Variants in ADAMTSL1 observed in about 807,000 individuals in gnomAD.
ADAMTSL1 encodes the protein ADAMTS like 1.
Under a neutral mutation model 201.8 loss-of-function variants are expected in ADAMTSL1, and 126 were observed. That is an observed-to-expected ratio of 0.62 (90% CI 0.54 to 0.72). The LOEUF (loss-of-function observed/expected upper bound fraction) is 0.72. Among genes scored for constraint, ADAMTSL1 ranks in the 30% least tolerant of loss-of-function variants. ADAMTSL1 has a pLI of 0.00. For missense variants in ADAMTSL1, 2,679 were observed against 2,277.8 expected, an observed-to-expected ratio of 1.18 and a Z score of -3.59; for synonymous variants, 1,121 against 903.4, an observed-to-expected ratio of 1.24 and a Z score of -4.32.
intron 15 of ADAMTSL1, among the ~76,000 whole-genome samples, chr9:18,728,223 A>T (rs1197518849): frequency 6.6e-6 from 1 of 152,162 alleles, no homozygotes; most frequent in Non-Finnish European, 1.5e-5. Flanking sequence ...TGTCACCTGA[A>T]AGCATATATG....
chr9:18,152,179 C>T lies in ADAMTSL1; in HGVS notation c.88-11683C>T, dbSNP rs530920808. ...ACAGCAGAGAGGTGGTAAACCAGGA[C>T]TTCCACCCAGGTCCTGTGACTCCAG... On this transcript the variant is annotated intron_variant, in intron 1 of 29. Coordinates refer to the ADAMTSL1 transcript ENST00000680146. 2.2e-4 allele frequency among the ~76,000 whole-genome samples: 34 copies of T among 152,172 alleles called. No homozygotes were observed. In the South Asian group the frequency reaches 7.0e-3, roughly 32 times the overall value.
chr9:18,905,476 G>T (rs1743317255), intron 26 of ADAMTSL1: 1 of 356,060 alleles, frequency 2.8e-6, no homozygotes, highest in Non-Finnish European at 5.3e-6. Context: ...CACATTCCTA[G>T]CATATTATGC....
At chr9:18,165,095 CTA>C (rs1471395092) in intron 2 of ADAMTSL1, among the ~76,000 whole-genome samples, 7 of 151,530 alleles carry the variant, frequency 4.6e-5, no homozygotes, top group South Asian at 2.1e-4. Context: ...TTTAAATTTT[CTA>C]TGTTTGTTTA....
chr9:18,707,746 C>T (rs1832310750), intron 14 of ADAMTSL1, among the ~76,000 whole-genome samples: 1 of 152,220 alleles, frequency 6.6e-6, no homozygotes, highest in Non-Finnish European at 1.5e-5. Context: ...GAAGCTTTCT[C>T]ATTATGAATA....
At chr9:18,716,889 C>G in intron 14 of ADAMTSL1, among the ~76,000 whole-genome samples, 1 of 137,110 alleles carries the variant, frequency 7.3e-6, no homozygotes. Context: ...ACATATACAC[C>G]ATGGAATACT....
intron 2 of ADAMTSL1, among the ~76,000 whole-genome samples, chr9:18,215,376 T>A (rs971344698): frequency 2.0e-5 from 3 of 152,190 alleles, no homozygotes; most frequent in African/African-American, 4.8e-5. Flanking sequence ...ACCTTAACTA[T>A]AATAACTTAA....
At chr9:17,944,372 G>C (rs950794114) in intron 1 of ADAMTSL1, among the ~76,000 whole-genome samples, 2 of 151,946 alleles carry the variant, frequency 1.3e-5, no homozygotes, top group African/African-American at 2.4e-5. Context: ...TCAATATCAT[G>C]AAAATGGCCA....
At chr9:18,170,756 C>T (rs1318226550) in intron 2 of ADAMTSL1, among the ~76,000 whole-genome samples, 2 of 152,026 alleles carry the variant, frequency 1.3e-5, no homozygotes, top group African/African-American at 2.4e-5. Flanking sequence ...TCAGAAAGGC[C>T]AGCCCATGCT....
chr9:18,537,252 G>A (rs753902639), intron 3 of ADAMTSL1, among the ~76,000 whole-genome samples: 58 of 152,182 alleles, frequency 3.8e-4, no homozygotes, highest in Non-Finnish European at 7.2e-4. Context: ...AGCAGTTGGT[G>A]CAATGCAGAG....
intron 9 of ADAMTSL1, among the ~76,000 whole-genome samples, chr9:18,667,171 C>T (rs1053282219): frequency 6.6e-6 from 1 of 151,628 alleles, no homozygotes; most frequent in African/African-American, 2.4e-5. Flanking sequence ...AATGCCCAAA[C>T]TTGTATACCC....
chr9:18,841,874 A>G (rs1055231812), intron 23 of ADAMTSL1, among the ~76,000 whole-genome samples: 33 of 152,244 alleles, frequency 2.2e-4, no homozygotes, highest in African/African-American at 7.7e-4. Flanking sequence ...CTGTGGGATC[A>G]GTGGTGATAT....
chr9:18,756,031 A>C (rs1231560197), intron 16 of ADAMTSL1, among the ~76,000 whole-genome samples: 2 of 135,662 alleles, frequency 1.5e-5, no homozygotes, highest in Non-Finnish European at 3.2e-5. Context: ...GGTTTGGTGC[A>C]TAGGGTCTGT....
chr9:18,621,584 A>G (rs1009357701), intron 4 of ADAMTSL1, among the ~76,000 whole-genome samples: 3 of 120,622 alleles, frequency 2.5e-5, no homozygotes, highest in African/African-American at 8.6e-5. Flanking sequence ...ACACACACAC[A>G]CACACACACA....
chr9:18,101,664 C>G (rs943019342), intron 1 of ADAMTSL1, among the ~76,000 whole-genome samples: 1 of 152,054 alleles, frequency 6.6e-6, no homozygotes, highest in Non-Finnish European at 1.5e-5. Flanking sequence ...AGACGGGAGA[C>G]AAGGGCAGAA....
intron 2 of ADAMTSL1, among the ~76,000 whole-genome samples, chr9:18,321,366 T>C (rs1328356742): frequency 6.6e-6 from 1 of 152,204 alleles, no homozygotes; most frequent in Non-Finnish European, 1.5e-5. Context: ...GTTGACGATT[T>C]TTAAATGCTC....
intron 4 of ADAMTSL1, among the ~76,000 whole-genome samples, chr9:18,595,650 G>A (rs1254959240): frequency 2.6e-5 from 4 of 152,224 alleles, no homozygotes; most frequent in Non-Finnish European, 5.9e-5. Context: ...GAGGAAGGCT[G>A]GAATAGTGCC....
At position 18,770,746 on chromosome 9, in the gene ADAMTSL1, T is replaced by C. The variant is rs1295436238; in HGVS notation, c.2362T>C (p.Cys788Arg). ...ACQQACKKDD[C>R]PSEWLLSDWT... ...CCAGCAAGCATGCAAGAAAGATGAC[T>C]GTCCCAGCGAGTGGCTTCTCTCAGA... The change falls in exon 17 of 29, where the codon TGT (cysteine) becomes CGT (arginine). Residue 788 changes from cysteine to arginine, a missense_variant. Cys to Arg is a radical substitution (Grantham distance 180). Coordinates refer to ENST00000380548, the MANE Select transcript of ADAMTSL1 (RefSeq NM_001040272.6). 7 of 1,613,792 alleles carry C rather than the reference T, an allele frequency of 4.3e-6. No homozygotes were observed. Among genetic ancestry groups the C allele is most frequent in the Non-Finnish European group, 5.9e-6 (7 of 1,179,886 alleles).
At chr9:18,860,653 C>G (rs747906387) in intron 23 of ADAMTSL1, among the ~76,000 whole-genome samples, 3 of 152,112 alleles carry the variant, frequency 2.0e-5, no homozygotes, top group Non-Finnish European at 4.4e-5. Context: ...AAACACTGTT[C>G]ATTCCCAATT....
At chr9:18,425,681 C>T (rs779315182) in intron 2 of ADAMTSL1, among the ~76,000 whole-genome samples, 1 of 151,612 alleles carries the variant, frequency 6.6e-6, no homozygotes, top group African/African-American at 2.4e-5. Context: ...TAGCGAGAAC[C>T]CATCTCTAAA....
Sources: gnomAD v4.1 joint callset for allele counts (sites outside exome capture counted in the v4.1 genomes callset) on GRCh38, gnomAD v4.1.1 for gene constraint, MANE v1.5 for transcripts, NCBI Gene and HGNC (gene_info 2026-07-23, HGNC 2026-07-21) for gene names.